Variants in CPQ observed in about 807,000 individuals in gnomAD.
CPQ encodes carboxypeptidase Q.
In CPQ, 37 loss-of-function variants were observed where a neutral mutation model predicts 45.7. The observed-to-expected ratio is 0.81, with a 90% CI of 0.62 to 1.07. The LOEUF is 1.07. CPQ is among the 50% of genes least tolerant of loss of function. CPQ has a pLI of 0.00. For missense variants in CPQ, 537 were observed against 572.9 expected, an observed-to-expected ratio of 0.94 and a Z score of 0.64; for synonymous variants, 186 against 205.8, an observed-to-expected ratio of 0.90 and a Z score of 0.82.
At chr8:96,664,857 C>T (rs1808899179) in intron 1 of CPQ, among the ~76,000 whole-genome samples, 1 of 152,178 alleles carries the variant, frequency 6.6e-6, no homozygotes, top group Non-Finnish European at 1.5e-5. Flanking sequence ...TTGTACCGCA[C>T]ACATGCTGAA....
intron 4 of CPQ, among the ~76,000 whole-genome samples, chr8:96,939,355 G>C (rs962936321): frequency 6.6e-6 from 1 of 152,146 alleles, no homozygotes; most frequent in African/African-American, 2.4e-5. Context: ...CCTGTTGTGC[G>C]GCCATATTCC....
chr8:96,906,233 T>A (rs1295583254), intron 4 of CPQ, among the ~76,000 whole-genome samples: 1 of 152,174 alleles, frequency 6.6e-6, no homozygotes, highest in Non-Finnish European at 1.5e-5. Flanking sequence ...GAAATTATAT[T>A]AACTCCTCTC....
At chr8:96,833,973 A>G (rs1371475171) in intron 2 of CPQ, among the ~76,000 whole-genome samples, 1 of 152,226 alleles carries the variant, frequency 6.6e-6, no homozygotes, top group Non-Finnish European at 1.5e-5. Context: ...ATATGGAAAT[A>G]TATGTTGATA....
chr8:97,126,932 T>C (rs996344794), intron 7 of CPQ, among the ~76,000 whole-genome samples: 2 of 152,196 alleles, frequency 1.3e-5, no homozygotes, highest in Admixed American at 6.5e-5. Flanking sequence ...GGATAGTCTT[T>C]ACAACAAATA....
intron 4 of CPQ, among the ~76,000 whole-genome samples, chr8:96,958,325 C>G (rs1813392181): frequency 6.6e-6 from 1 of 152,154 alleles, no homozygotes; most frequent in South Asian, 2.1e-4. Context: ...TCCCTTACCT[C>G]AGGAAGTTCA....
chr8:96,697,783 C>T (rs574683021), intron 1 of CPQ, among the ~76,000 whole-genome samples: 73 of 151,934 alleles, frequency 4.8e-4, no homozygotes, highest in African/African-American at 1.7e-3. Context: ...AATTAAATAC[C>T]TAGGAATTAA....
intron 5 of CPQ, among the ~76,000 whole-genome samples, chr8:97,011,914 C>G (rs920012687): frequency 2.0e-5 from 3 of 152,076 alleles, no homozygotes; most frequent in African/African-American, 4.8e-5. Context: ...CTTCCCTAGC[C>G]CTCACTTCTT....
chr8:96,774,995 A>G (rs1275757476), intron 1 of CPQ, among the ~76,000 whole-genome samples: 1 of 152,152 alleles, frequency 6.6e-6, no homozygotes, highest in Middle Eastern at 3.2e-3. Context: ...TATTGGTTCA[A>G]CTGCTCAGTG....
chr8:97,119,328 C>CA (rs34998181), intron 7 of CPQ, among the ~76,000 whole-genome samples: 19,622 of 71,508 alleles, frequency 0.27, 2,697 homozygotes, highest in African/African-American at 0.37. Context: ...GACTCCATCT[C>CA]AAAAAAAAAA....
rs148931402 is a variant in CPQ, at chr8:97,119,185, T to A, written c.1256-23835T>A. Among the ~76,000 whole-genome samples the A allele has an allele frequency of 4.1e-3, 616 of 151,940 alleles. 10 individuals carry two copies. Among genetic ancestry groups the A allele is most frequent in the African/African-American group, 0.014 (579 of 41,426 alleles). On this transcript the variant is annotated intron_variant, in intron 7 of 7. Transcript: ENST00000220763. Reference sequence around the variant, plus strand: ...CTCTACTAAAAATACAGAAATTAGCTGGGCGTGGTAATGGGTGCCTGCAAT... The same window carrying A: ...CTCTACTAAAAATACAGAAATTAGCAGGGCGTGGTAATGGGTGCCTGCAAT...
intron 4 of CPQ, among the ~76,000 whole-genome samples, chr8:96,908,854 T>C (rs1462992298): frequency 1.3e-5 from 2 of 152,058 alleles, no homozygotes; most frequent in Admixed American, 1.3e-4. Flanking sequence ...CTCTAAGAGA[T>C]CTGGGCTTTC....
intron 5 of CPQ, among the ~76,000 whole-genome samples, chr8:96,975,531 A>G (rs115448483): frequency 0.022 from 3,354 of 151,824 alleles, 93 homozygotes; most frequent in African/African-American, 0.063. Context: ...ACAAAAAAAA[A>G]AGAGAGAGAG....
chr8:96,696,112 TA>T lies in CPQ; in HGVS notation c.-35+50716del, dbSNP rs978123581. Among the ~76,000 whole-genome samples the T allele has an allele frequency of 2.0e-5, 3 of 151,906 alleles. No individual in the cohort carries two copies. In the East Asian group the frequency reaches 5.8e-4, roughly 29 times the overall value. The stretch of plus-strand genomic sequence containing the variant: ...TACATCATGGAATACTATGCAGCCA[TA>T]AAAAATGATGAGTTTATGTCCTTTG... On this transcript the variant is annotated intron_variant, in intron 1 of 7. Transcript: ENST00000220763.
In CPQ at chr8:96,770,700, TTA is replaced by T. The variant is rs150102341; in HGVS notation, c.-34-14152_-34-14151del. Among the ~76,000 whole-genome samples the T allele has an allele frequency of 6.8e-5, 10 of 147,244 alleles. No individual in the cohort carries two copies. In the East Asian group the frequency reaches 1.6e-3, roughly 23 times the overall value. On this transcript the variant is annotated intron_variant, in intron 1 of 7. Transcript: ENST00000220763. ...TCCAGAAATATAAATGAGTGTTATTTTATATATATATATTATATATATATAAA... is the reference window on the plus strand; with the variant it reads ...TCCAGAAATATAAATGAGTGTTATTTTATATATATATTATATATATATAAA...
chr8:96,914,882 TG>T lies in CPQ; in HGVS notation c.849+34880del, dbSNP rs537158993. Among the ~76,000 whole-genome samples, 595 of 152,256 alleles carry T rather than the reference TG, an allele frequency of 3.9e-3. 4 individuals carry two copies. The highest frequency in any genetic ancestry group is 5.9e-3 in the Non-Finnish European group (398 of 68,020). Reference sequence around the variant, plus strand: ...AAATTGTAGGTTAGATACTGACTTGTGGGATACATTTCTGCCAATTATGGTC... The same window carrying T: ...AAATTGTAGGTTAGATACTGACTTGTGGATACATTTCTGCCAATTATGGTC... On this transcript the variant is annotated intron_variant, in intron 4 of 7. Transcript: ENST00000220763.
chr8:97,125,766 AT>A (rs1385408788), intron 7 of CPQ, among the ~76,000 whole-genome samples: 1 of 152,226 alleles, frequency 6.6e-6, no homozygotes, highest in Non-Finnish European at 1.5e-5. Flanking sequence ...CTTCAGTTTA[AT>A]TATGAAAGAG....
chr8:96,875,162 G>A (rs186333308), intron 3 of CPQ, among the ~76,000 whole-genome samples: 106 of 151,546 alleles, frequency 7.0e-4, no homozygotes, highest in East Asian at 4.8e-3. Context: ...TTATTTTCCC[G>A]TTTTCATAAT....
At chr8:96,909,939 G>C (rs1267545930) in intron 4 of CPQ, among the ~76,000 whole-genome samples, 1 of 152,192 alleles carries the variant, frequency 6.6e-6, no homozygotes, top group Non-Finnish European at 1.5e-5. Flanking sequence ...TGTAGTGACT[G>C]CCCTTTCCTT....
intron 6 of CPQ, among the ~76,000 whole-genome samples, chr8:97,057,261 T>C (rs1445296931): frequency 6.6e-6 from 1 of 152,278 alleles, no homozygotes; most frequent in East Asian, 1.9e-4. Context: ...TTTACTGAAA[T>C]GTGACTTAAT....
Sources: allele counts gnomAD v4.1 joint callset (sites outside exome capture counted in the v4.1 genomes callset), GRCh38; gene constraint gnomAD v4.1.1; transcripts MANE v1.5; gene names NCBI Gene and HGNC (gene_info 2026-07-23, HGNC 2026-07-21).